Variants in WIPF1 observed in about 807,000 individuals in gnomAD.
WIPF1 encodes the protein WAS/WASL interacting protein family member 1, also known as WAS/WASL-interacting protein family member 1.
WIPF1 carries 13 observed loss-of-function variants against 35.4 expected under a neutral mutation model. The observed-to-expected ratio is 0.37, with a 90% CI of 0.24 to 0.58. The LOEUF (loss-of-function observed/expected upper bound fraction) is 0.58. WIPF1 is among the 20% of genes least tolerant of loss of function. WIPF1 has a pLI of 0.74. For synonymous variants in WIPF1, 267 were observed against 266.3 expected, an observed-to-expected ratio of 1.00 and a Z score of -0.02; for missense variants, 591 against 667.0, an observed-to-expected ratio of 0.89 and a Z score of 1.25.
chr2:174,602,309 C>T (rs1686034339), upstream of WIPF1, among the ~76,000 whole-genome samples: 2 of 152,204 alleles, frequency 1.3e-5, no homozygotes, highest in Admixed American at 6.5e-5. Context: ...AGCCTCCTGC[C>T]GTGGCCCCCA....
At chr2:174,681,259 G>A (rs1688238746) in intron 1 of WIPF1, among the ~76,000 whole-genome samples, 1 of 152,138 alleles carries the variant, frequency 6.6e-6, no homozygotes, top group Non-Finnish European at 1.5e-5. Flanking sequence ...AACAGGTAAT[G>A]GGCTCTCACA....
chr2:174,680,280 T>C (rs1217880049), intron 1 of WIPF1, among the ~76,000 whole-genome samples: 2 of 152,164 alleles, frequency 1.3e-5, no homozygotes, highest in Non-Finnish European at 1.5e-5. Flanking sequence ...ACTCAATGAG[T>C]ATCTGGCTTG....
intron 3 of WIPF1, among the ~76,000 whole-genome samples, chr2:174,578,380 G>A (rs1371299014): frequency 1.3e-5 from 2 of 152,142 alleles, no homozygotes; most frequent in African/African-American, 4.8e-5. Flanking sequence ...GACTTATACA[G>A]CATTTGAATT....
chr2:174,602,918 G>A (rs934387314), intron 1 of WIPF1, among the ~76,000 whole-genome samples: 4 of 152,168 alleles, frequency 2.6e-5, no homozygotes, highest in African/African-American at 9.7e-5. Context: ...TGCATCCAGA[G>A]GCATTCACTC....
At position 174,572,127 on chromosome 2, in the gene WIPF1, G is replaced by C. The variant is rs749598227; in HGVS notation, c.678C>G (p.Arg226=). Residue 226 remains arginine (R), a synonymous_variant, in exon 5 of 8, where the codon CGC becomes CGG. Transcript: ENST00000679041. ...GPTPPPFPGN[R]GTALGGGSIR... ...TTGAGCCTCCTCCCAAAGCAGTGCC[G>C]CGGTTTCCAGGGAAAGGGGGAGGAG... is the stretch of plus-strand genomic sequence containing the variant. The C allele has an allele frequency of 6.2e-7, 1 of 1,610,132 alleles. No homozygotes were observed. The highest frequency in any genetic ancestry group is 1.1e-5 in the South Asian group (1 of 90,784).
chr2:174,598,511 A>T (rs1685894550), upstream of WIPF1, among the ~76,000 whole-genome samples: 1 of 151,986 alleles, frequency 6.6e-6, no homozygotes, highest in Non-Finnish European at 1.5e-5. Flanking sequence ...TAGAGATGGG[A>T]TCTTGCTTTG....
chr2:174,665,544 A>T (rs1687873435), intron 1 of WIPF1: 1 of 152,234 alleles, frequency 6.6e-6, no homozygotes, highest in Non-Finnish European at 1.5e-5. Context: ...ATGTCTGACA[A>T]ATTTCTATTT....
chr2:174,613,284 A>C (rs1235745059), intron 1 of WIPF1, among the ~76,000 whole-genome samples: 2 of 152,216 alleles, frequency 1.3e-5, no homozygotes, highest in African/African-American at 4.8e-5. Flanking sequence ...AGCTTCTCTC[A>C]TTTTTACCAT....
intron 4 of WIPF1, among the ~76,000 whole-genome samples, chr2:174,574,076 G>T (rs1184714193): frequency 6.6e-6 from 1 of 151,376 alleles, no homozygotes; most frequent in Non-Finnish European, 1.5e-5. Context: ...TTTTTTAGTA[G>T]AGACAGGATT....
At chr2:174,631,382 T>C (rs1687015181) in intron 1 of WIPF1, among the ~76,000 whole-genome samples, 1 of 152,192 alleles carries the variant, frequency 6.6e-6, no homozygotes, top group Non-Finnish European at 1.5e-5. Flanking sequence ...AAATATTATA[T>C]AATTCTACTT....
chr2:174,649,361 A>G (rs576965875), intron 1 of WIPF1, among the ~76,000 whole-genome samples: 1 of 152,272 alleles, frequency 6.6e-6, no homozygotes, highest in African/African-American at 2.4e-5. Flanking sequence ...TTCAGAGATA[A>G]CAAGGGTTCA....
intron 1 of WIPF1, among the ~76,000 whole-genome samples, chr2:174,585,946 T>A (rs1206946565): frequency 6.6e-6 from 1 of 152,204 alleles, no homozygotes. Flanking sequence ...TGGCCAAGTT[T>A]CACTGAAAAC....
intron 1 of WIPF1, among the ~76,000 whole-genome samples, chr2:174,604,316 C>T (rs1212985379): frequency 2.0e-5 from 3 of 152,214 alleles, no homozygotes; most frequent in Non-Finnish European, 4.4e-5. Flanking sequence ...AAATTTTCTT[C>T]ACAAACGCAG....
In WIPF1 at chr2:174,571,376, G is replaced by C. The variant is rs1269854835; in HGVS notation, c.1129+300C>G. On this transcript the variant is annotated intron_variant, in intron 5 of 7. Coordinates refer to ENST00000679041, the MANE Select transcript of WIPF1 (RefSeq NM_001375834.1). The surrounding 1 kb of genome is among the most constrained non-coding windows in gnomAD (Gnocchi z 4.6). Reference sequence around the variant, plus strand: ...GGGAGGCAGGGTAGTGGACTGGCAAGTACACTTCAGAGATGGAAGATGAAA... The same window carrying C: ...GGGAGGCAGGGTAGTGGACTGGCAACTACACTTCAGAGATGGAAGATGAAA... The C allele has an allele frequency of 1.7e-5, 10 of 597,550 alleles. No individual in the cohort carries two copies. The highest frequency in any genetic ancestry group is 3.0e-5 in the Admixed American group (1 of 33,258). The allele number at this position is 597,550 out of a possible 1,614,324, so 37.0% of individuals were successfully genotyped here.
chr2:174,679,985 G>A (rs1306274627), intron 1 of WIPF1, among the ~76,000 whole-genome samples: 6 of 152,202 alleles, frequency 3.9e-5, no homozygotes, highest in Non-Finnish European at 8.8e-5. Flanking sequence ...TCGATGCCTG[G>A]CACACAGTAA....
chr2:174,623,592 G>A (rs80229538), intron 1 of WIPF1: 1 of 152,310 alleles, frequency 6.6e-6, no homozygotes, highest in African/African-American at 2.4e-5. Context: ...CTATGAACTA[G>A]ATGGGAAAAA....
At chr2:174,606,130 A>G (rs937705899) in intron 1 of WIPF1, among the ~76,000 whole-genome samples, 2 of 152,208 alleles carry the variant, frequency 1.3e-5, no homozygotes, top group Non-Finnish European at 2.9e-5. Context: ...AGTAAAAATA[A>G]AAGTCCAACC....
chr2:174,626,560 C>T (rs556565630), intron 1 of WIPF1, among the ~76,000 whole-genome samples: 6 of 152,318 alleles, frequency 3.9e-5, no homozygotes, highest in Admixed American at 3.9e-4. Context: ...TATCTCCCCT[C>T]CACCCCAAAT....
chr2:174,647,694 C>T (rs1687440801), intron 1 of WIPF1, among the ~76,000 whole-genome samples: 1 of 148,338 alleles, frequency 6.7e-6, no homozygotes, highest in African/African-American at 2.5e-5. Context: ...ATTACATCTC[C>T]ATGATAAAAA....
Sources: gnomAD v4.1 joint callset for allele counts (sites outside exome capture counted in the v4.1 genomes callset) on GRCh38, gnomAD v4.1.1 for gene constraint, Gnocchi (gnomAD v3.1) non-coding constraint, MANE v1.5 for transcripts, NCBI Gene and HGNC (gene_info 2026-07-23, HGNC 2026-07-21) for gene names.